The following NRXN1 variants were observed in gnomAD, a reference collection of about 807,000 sequenced individuals.
NRXN1 encodes the protein neurexin 1.
In NRXN1, 39 loss-of-function variants were observed where a neutral mutation model predicts 150.9. The ratio of observed to expected loss-of-function variants is 0.26; its 90% confidence interval spans 0.20 to 0.34. The LOEUF (loss-of-function observed/expected upper bound fraction) is 0.34, where lower values mean the gene tolerates loss of function less well. NRXN1 is among the 10% of genes least tolerant of loss of function. NRXN1 has a pLI of 1.00. For missense variants in NRXN1, 1,815 were observed against 1,949.9 expected (o/e 0.93, Z 1.30); for synonymous variants, 924 against 757.0 (o/e 1.22, Z -3.62).
chr2:50,979,677 T>C lies in NRXN1; in HGVS notation c.772+47825A>G, dbSNP rs146426582. Among the ~76,000 whole-genome samples the C allele has an allele frequency of 3.9e-3, 589 of 152,198 alleles. 5 individuals carry two copies. The highest frequency in any genetic ancestry group is 0.013 in the African/African-American group (557 of 41,550). ...AGTTAAATCTGGCAACGAACCTTGG[T>C]CAACCTGTAAAACCCCATGGATTCT... On this transcript the variant is annotated intron_variant, in intron 2 of 22. Transcript: ENST00000401669.
chr2:50,518,375 C>G (rs1474559077), intron 12 of NRXN1, among the ~76,000 whole-genome samples: 6 of 151,866 alleles, frequency 4.0e-5, no homozygotes, highest in African/African-American at 1.2e-4. Flanking sequence ...AACAGGACAG[C>G]TAGCAGATAT....
At chr2:50,107,697 T>C (rs570704119) in intron 18 of NRXN1, among the ~76,000 whole-genome samples, 2 of 151,778 alleles carry the variant, frequency 1.3e-5, no homozygotes, top group South Asian at 2.1e-4. Context: ...CAACAATAAT[T>C]GCAGAAATTA....
intron 21 of NRXN1, among the ~76,000 whole-genome samples, chr2:50,041,338 G>C (rs1690912458): frequency 6.6e-6 from 1 of 152,106 alleles, no homozygotes; most frequent in African/African-American, 2.4e-5. Context: ...TCTGCAATGA[G>C]TGTCTTTTAA....
intron 17 of NRXN1, among the ~76,000 whole-genome samples, chr2:50,427,449 T>C (rs1273485306): frequency 1.3e-5 from 2 of 152,028 alleles, no homozygotes; most frequent in African/African-American, 4.8e-5. Context: ...GCAGAAATGC[T>C]TACATTTTTG....
At chr2:50,054,889 A>T (rs1693364683) in intron 20 of NRXN1, 66 bp downstream of exon 20, 2 of 1,020,426 alleles carry the variant, frequency 2.0e-6, no homozygotes, top group East Asian at 2.9e-5. Context: ...TTAGTGTTAC[A>T]ATGAAGTACT....
chr2:50,516,071 C>T (rs557539738), intron 12 of NRXN1, among the ~76,000 whole-genome samples: 6 of 152,136 alleles, frequency 3.9e-5, no homozygotes, highest in African/African-American at 7.2e-5. Flanking sequence ...GTGAGTGAAA[C>T]CTGTTTGTTT....
intron 2 of NRXN1, among the ~76,000 whole-genome samples, chr2:51,024,167 G>A (rs1481546429): frequency 3.3e-5 from 5 of 152,028 alleles, no homozygotes; most frequent in African/African-American, 1.2e-4. Context: ...AATGTTCAAG[G>A]TCATTTAGAT....
At chr2:50,101,169 T>C (rs1466698660) in intron 18 of NRXN1, among the ~76,000 whole-genome samples, 1 of 152,104 alleles carries the variant, frequency 6.6e-6, no homozygotes, top group Non-Finnish European at 1.5e-5. Flanking sequence ...CTTTTTCTTG[T>C]ACAGTCACAT....
At chr2:50,932,213 C>G (rs1687853640) in intron 2 of NRXN1, among the ~76,000 whole-genome samples, 1 of 151,978 alleles carries the variant, frequency 6.6e-6, no homozygotes, top group South Asian at 2.1e-4. Flanking sequence ...CATGGTAAAA[C>G]CCCATCTCTA....
At chr2:50,645,763 T>C (rs1464201446) in intron 5 of NRXN1, among the ~76,000 whole-genome samples, 1 of 152,014 alleles carries the variant, frequency 6.6e-6, no homozygotes, top group Non-Finnish European at 1.5e-5. Context: ...TTTTAAACTT[T>C]ACTGTGCTTA....
intron 17 of NRXN1, among the ~76,000 whole-genome samples, chr2:50,375,283 T>C (rs528818372): frequency 1.6e-4 from 24 of 151,926 alleles, no homozygotes; most frequent in African/African-American, 5.6e-4. Flanking sequence ...ACAATGATAG[T>C]AATTTACCTA....
chr2:50,542,706 G>C (rs2105287710), intron 9 of NRXN1, among the ~76,000 whole-genome samples: 1 of 152,272 alleles, frequency 6.6e-6, no homozygotes, highest in East Asian at 1.9e-4. Context: ...TTTTATTACT[G>C]AGACAAATGC....
At chr2:50,124,539 T>C (rs1201372868) in intron 18 of NRXN1, among the ~76,000 whole-genome samples, 1 of 152,128 alleles carries the variant, frequency 6.6e-6, no homozygotes, top group African/African-American at 2.4e-5. Context: ...TGGTGATTAT[T>C]ACAAATGCAT....
intron 5 of NRXN1, among the ~76,000 whole-genome samples, chr2:50,634,013 T>C (rs1457510335): frequency 6.6e-6 from 1 of 152,044 alleles, no homozygotes; most frequent in Admixed American, 6.6e-5. Context: ...ATAGAAAGAA[T>C]AGGAAAAAAT....
intron 15 of NRXN1, among the ~76,000 whole-genome samples, chr2:50,473,761 G>C (rs184332231): frequency 2.3e-4 from 35 of 152,094 alleles, no homozygotes; most frequent in African/African-American, 8.2e-4. Flanking sequence ...GTTGAGCTGT[G>C]AGTAACAAAT....
At chr2:50,670,762 G>A (rs761426883) in intron 5 of NRXN1, among the ~76,000 whole-genome samples, 1 of 151,878 alleles carries the variant, frequency 6.6e-6, no homozygotes, top group African/African-American at 2.4e-5. Flanking sequence ...TTTGTAGAAT[G>A]TGCTGCTGTT....
chr2:50,364,871 T>C (rs1279804503), intron 17 of NRXN1, among the ~76,000 whole-genome samples: 2 of 152,058 alleles, frequency 1.3e-5, no homozygotes, highest in Admixed American at 1.3e-4. Context: ...CAAGTAATAC[T>C]GATTTTTTCA....
intron 5 of NRXN1, among the ~76,000 whole-genome samples, chr2:50,825,919 G>C (rs1028690458): frequency 6.6e-6 from 1 of 152,176 alleles, no homozygotes; most frequent in African/African-American, 2.4e-5. Flanking sequence ...TGATGTTTGG[G>C]GGAAAACCCC....
chr2:49,938,388 C>A (rs1224089603), intron 22 of NRXN1, among the ~76,000 whole-genome samples: 1 of 152,124 alleles, frequency 6.6e-6, no homozygotes, highest in East Asian at 1.9e-4. Flanking sequence ...TTTATCATTG[C>A]TTATGTAATC....
Sources: allele counts gnomAD v4.1 joint callset (sites outside exome capture counted in the v4.1 genomes callset), GRCh38; gene constraint gnomAD v4.1.1; transcripts MANE v1.5; gene names NCBI Gene and HGNC (gene_info 2026-07-23, HGNC 2026-07-21).